Variants in SEMA3D observed in about 807,000 individuals in gnomAD.
The protein encoded by SEMA3D is semaphorin 3D.
A neutral mutation model predicts 100.1 loss-of-function variants in SEMA3D; 84 were observed. That is an observed-to-expected ratio of 0.84 (90% CI 0.70 to 1.01). The LOEUF (loss-of-function observed/expected upper bound fraction) is 1.01. SEMA3D is among the 50% of genes least tolerant of loss of function. The pLI is 0.00. For synonymous variants in SEMA3D, 312 were observed against 320.7 expected, an observed-to-expected ratio of 0.97 and a Z score of 0.29; for missense variants, 875 against 934.1, an observed-to-expected ratio of 0.94 and a Z score of 0.82.
chr7:85,159,160 TA>T (rs1583977724), intron 1 of SEMA3D, among the ~76,000 whole-genome samples: 1 of 152,300 alleles, frequency 6.6e-6, no homozygotes, highest in East Asian at 1.9e-4. Flanking sequence ...CACTTTCAGC[TA>T]AAAATTTGTA....
At chr7:85,005,620 T>C (rs1462413354) in intron 18 of SEMA3D, among the ~76,000 whole-genome samples, 1 of 152,044 alleles carries the variant, frequency 6.6e-6, no homozygotes. Context: ...ATGATAAAAT[T>C]TGATTTTTTT....
At chr7:85,165,875 G>A (rs147949273) in intron 1 of SEMA3D, among the ~76,000 whole-genome samples, 78 of 152,152 alleles carry the variant, frequency 5.1e-4, no homozygotes, top group African/African-American at 1.8e-3. Context: ...CCAAAGGTCA[G>A]CCTTTTACAG....
chr7:85,250,036 C>T, the SEMA3D span, among the ~76,000 whole-genome samples: 679 of 152,150 alleles, frequency 4.5e-3, 5 homozygotes, highest in African/African-American at 0.015. Context: ...CAAAGCAGGG[C>T]GAGGCATTGC....
the SEMA3D span, among the ~76,000 whole-genome samples, chr7:85,231,543 C>T: frequency 1.2e-3 from 182 of 149,138 alleles, no homozygotes; most frequent in African/African-American, 3.8e-3. Flanking sequence ...CTCCGCCTCC[C>T]GGGTTCACGC....
At chr7:85,180,734 TA>T (rs1791377817) in intron 1 of SEMA3D, among the ~76,000 whole-genome samples, 1 of 152,212 alleles carries the variant, frequency 6.6e-6, no homozygotes, top group Non-Finnish European at 1.5e-5. Context: ...CTCTTTGTTT[TA>T]ATCTGACATT....
intron 4 of SEMA3D, among the ~76,000 whole-genome samples, chr7:85,091,028 GGAAA>G (rs949193111): frequency 7.7e-5 from 11 of 142,764 alleles, no homozygotes; most frequent in South Asian, 2.2e-4. Context: ...AAAGAGAAAA[GGAAA>G]GAAAGAAAGA....
At chr7:85,196,866 A>G in the SEMA3D span, among the ~76,000 whole-genome samples, 1 of 152,192 alleles carries the variant, frequency 6.6e-6, no homozygotes, top group Admixed American at 6.6e-5. Context: ...GAAGTATCAG[A>G]ATTCTCATGT....
At chr7:85,078,941 T>C (rs1337186585) in intron 5 of SEMA3D, among the ~76,000 whole-genome samples, 2 of 152,198 alleles carry the variant, frequency 1.3e-5, no homozygotes, top group Admixed American at 6.5e-5. Context: ...CCAAAATCTA[T>C]GTAATGCTGT....
chr7:85,143,151 C>T (rs1399595376), intron 2 of SEMA3D: 1 of 982,456 alleles, frequency 1.0e-6, no homozygotes, highest in Non-Finnish European at 1.2e-6. Context: ...AGGTATGAAA[C>T]TGATATGACA....
intron 1 of SEMA3D, chr7:85,181,869 TGA>T: frequency 1.5e-5 from 5 of 327,600 alleles, no homozygotes; most frequent in Non-Finnish European, 2.2e-5. Context: ...ATATTAATAA[TGA>T]TGGATTGAAA....
chr7:85,146,897 C>G (rs1790221064), intron 2 of SEMA3D, among the ~76,000 whole-genome samples: 1 of 151,804 alleles, frequency 6.6e-6, no homozygotes, highest in Admixed American at 6.6e-5. Context: ...GGAGTAGCTT[C>G]AGGAATAGAA....
At position 85,168,398 on chromosome 7, in the gene SEMA3D, T is replaced by C. The variant is rs150509185; in HGVS notation, c.-172-14659A>G. On this transcript the variant is annotated intron_variant, in intron 1 of 18. Coordinates refer to ENST00000284136, the MANE Select transcript of SEMA3D (RefSeq NM_001384900.1). ...TTATTTTAAAACACTTCTGTGACTA[T>C]TAGTTGTCACCATGCTTTGATGTAA... Among the ~76,000 whole-genome samples, 163 of 151,978 alleles carry C rather than the reference T, an allele frequency of 1.1e-3. 1 individual carries two copies. Among genetic ancestry groups the C allele is most frequent in the African/African-American group, 3.8e-3 (159 of 41,536 alleles).
intron 1 of SEMA3D, among the ~76,000 whole-genome samples, chr7:85,181,089 A>G (rs1206183459): frequency 1.3e-5 from 2 of 152,208 alleles, no homozygotes; most frequent in African/African-American, 2.4e-5. Flanking sequence ...TAAACTATCA[A>G]CATGATTTAC....
At chr7:85,148,631 G>T (rs1790280798) in intron 2 of SEMA3D, among the ~76,000 whole-genome samples, 1 of 152,058 alleles carries the variant, frequency 6.6e-6, no homozygotes. Context: ...TGCAGTTAGG[G>T]TAGACTCATG....
the SEMA3D span, among the ~76,000 whole-genome samples, chr7:85,212,632 A>G: frequency 6.6e-6 from 1 of 152,010 alleles, no homozygotes; most frequent in East Asian, 1.9e-4. Context: ...CTTCTTTTTA[A>G]TATTAAAATT....
At chr7:85,194,293 T>G in the SEMA3D span, among the ~76,000 whole-genome samples, 1 of 152,166 alleles carries the variant, frequency 6.6e-6, no homozygotes, top group African/African-American at 2.4e-5. Context: ...ATCTTAGTGA[T>G]AAAGCTTTGA....
chr7:85,190,501 C>T (rs1791672591), upstream of SEMA3D, among the ~76,000 whole-genome samples: 1 of 152,002 alleles, frequency 6.6e-6, no homozygotes, highest in African/African-American at 2.4e-5. Context: ...GCTCACCCAG[C>T]CCCTTATCTT....
chr7:85,027,716 G>A, intron 12 of SEMA3D: 1 of 314,144 alleles, frequency 3.2e-6, no homozygotes, highest in South Asian at 3.0e-5. Context: ...CTTAATGTTT[G>A]TTTTCCCAAC....
At chr7:85,207,933 C>T in the SEMA3D span, among the ~76,000 whole-genome samples, 6 of 151,762 alleles carry the variant, frequency 4.0e-5, no homozygotes, top group African/African-American at 1.2e-4. Flanking sequence ...CTGTAATGCA[C>T]GCTGTCAGTT....
Sources: allele counts gnomAD v4.1 joint callset (sites outside exome capture counted in the v4.1 genomes callset), GRCh38; gene constraint gnomAD v4.1.1; transcripts MANE v1.5; gene names NCBI Gene and HGNC (gene_info 2026-07-23, HGNC 2026-07-21).